The following NUTM1 variants were observed in gnomAD, a reference collection of about 807,000 sequenced individuals.
The protein encoded by NUTM1 is NUT family member 1.
NUTM1 carries 39 observed loss-of-function variants against 88.7 expected under a neutral mutation model. The ratio of observed to expected loss-of-function variants is 0.44; its 90% CI spans 0.34 to 0.57. The LOEUF is 0.57. Among genes scored for constraint, NUTM1 ranks in the 20% least tolerant of loss-of-function variants. The pLI, the probability that NUTM1 is intolerant of heterozygous loss-of-function variation, is 0.01. For synonymous variants in NUTM1, 494 were observed against 538.0 expected (o/e 0.92, Z 1.13); for missense variants, 1,350 against 1,414.5 (o/e 0.95, Z 0.73).
intron 1 of NUTM1, 67 bp from the exon 2 acceptor site, chr15:34,345,875 T>G (rs1431699328): frequency 2.6e-5 from 42 of 1,586,384 alleles, no homozygotes; most frequent in Non-Finnish European, 3.5e-5. Context: ...GAGTTCCGTA[T>G]TCTAGTTCTG....
intron 4 of NUTM1, among the ~76,000 whole-genome samples, chr15:34,352,570 G>A (rs1400187642): frequency 7.3e-5 from 11 of 151,722 alleles, no homozygotes; most frequent in Middle Eastern, 3.4e-3. Context: ...AGGGTGAGGC[G>A]GGCGGATCAT....
intron 3 of NUTM1, among the ~76,000 whole-genome samples, chr15:34,350,361 T>C (rs1453626289): frequency 6.6e-6 from 1 of 152,214 alleles, no homozygotes; most frequent in Non-Finnish European, 1.5e-5. Context: ...TTATAGCAAA[T>C]CCCATTCATT....
intron 2 of NUTM1, among the ~76,000 whole-genome samples, 185 bp from the exon 3 acceptor site, chr15:34,347,784 C>T (rs1220928922): frequency 2.0e-5 from 3 of 151,764 alleles, no homozygotes; most frequent in South Asian, 4.1e-4. Flanking sequence ...ACCTAGGAGG[C>T]GGAGATTGCA....
chr15:34,350,589 C>A (rs1040275225), intron 3 of NUTM1, 115 bp from the exon 4 acceptor site: 14 of 1,314,670 alleles, frequency 1.1e-5, no homozygotes, highest in Non-Finnish European at 1.2e-5. Flanking sequence ...CACGACAGGC[C>A]CTAAGGGGCA....
At chr15:34,345,805 A>C in intron 1 of NUTM1, 137 bp from the exon 2 acceptor site, 6 of 1,201,868 alleles carry the variant, frequency 5.0e-6, no homozygotes, top group Non-Finnish European at 6.8e-6. Flanking sequence ...CCTTCATGGA[A>C]TATCTGTCCC....
At chr15:34,349,127 G>C (rs999280417) in intron 3 of NUTM1, among the ~76,000 whole-genome samples, 10 of 152,126 alleles carry the variant, frequency 6.6e-5, no homozygotes, top group Non-Finnish European at 1.5e-4. Context: ...AACAGTGTGG[G>C]GCCAGGCAAA....
In NUTM1 at chr15:34,356,097, G is replaced by T; in HGVS notation, c.2089G>T (p.Val697Leu). 1 of 1,613,684 alleles carries T rather than the reference G, an allele frequency of 6.2e-7. No homozygotes were observed. The highest frequency in any genetic ancestry group is 8.5e-7 in the Non-Finnish European group (1 of 1,179,644). The change falls in exon 8 of 8, where the codon GTG (valine) becomes TTG (leucine). Residue 697 changes from valine (V) to leucine (L), a missense_variant. Physicochemically the swap from Val to Leu is conservative, Grantham distance 32 (BLOSUM62 1). Around this residue, in one of 5 missense-constraint regions of NUTM1, gnomAD observed 730 missense variants for 728.8 expected, o/e 1.00. Coordinates refer to ENST00000537011, the MANE Select transcript of NUTM1 (RefSeq NM_001284292.2). ...AGGACAACAAACAGGGGGTCGTGGAGTGCTTCCTCAAGGGAAGGAGCCTTT... is the reference window on the plus strand; with the variant it reads ...AGGACAACAAACAGGGGGTCGTGGATTGCTTCCTCAAGGGAAGGAGCCTTT... ...QKGQQTGGRG[V>L]LPQGKEPLAV... is the part of the protein sequence containing the mutation.
At chr15:34,352,174 AAAAG>A (rs992521691) in intron 4 of NUTM1, among the ~76,000 whole-genome samples, 3 of 152,218 alleles carry the variant, frequency 2.0e-5, no homozygotes, top group East Asian at 1.9e-4. Context: ...CTGTCTCAAA[AAAAG>A]AAAGAAAGAA....
chr15:34,356,542 G>A lies in NUTM1; in HGVS notation c.2534G>A (p.Arg845Lys), dbSNP rs757589614. The A allele has an allele frequency of 2.5e-6, 4 of 1,613,952 alleles. No individual in the cohort carries two copies. The highest frequency in any genetic ancestry group is 3.4e-6 in the Non-Finnish European group (4 of 1,179,940). The stretch of plus-strand genomic sequence containing the variant: ...TTGAGGGCCAACAGCCCACCCTTGA[G>A]GTCCAAAGAAAATCAAGAACAGAGC... ...GPLRANSPPL[R>K]SKENQEQSCE... Residue 845 changes from arginine to lysine, a missense_variant, in exon 8 of 8, where the codon AGG becomes AAG. This residue lies in a region of NUTM1 where 730 missense variants were observed against 728.8 expected (regional missense o/e 1.00). Coordinates refer to ENST00000537011, the MANE Select transcript of NUTM1 (RefSeq NM_001284292.2).
chr15:34,348,580 G>C lies in NUTM1; in HGVS notation c.712G>C (p.Val238Leu). 1.2e-6 allele frequency: 2 copies of C among 1,613,444 alleles called. No homozygotes were observed. Among genetic ancestry groups the C allele is most frequent in the South Asian group, 2.2e-5 (2 of 91,082 alleles). ...LGDRSKISKD[V>L]YENFRQWQRY... ...TGACCGCTCCAAAATTTCCAAGGAC[G>C]TTTATGAGAACTTCCGTCAGTGGCA... is the stretch of plus-strand genomic sequence containing the variant. Residue 238 changes from valine to leucine, a missense_variant, in exon 3 of 8, where the codon GTT becomes CTT. Around this residue, in one of 5 missense-constraint regions of NUTM1, gnomAD observed 399 missense variants for 397.9 expected, o/e 1.00. Coordinates refer to ENST00000537011, the MANE Select transcript of NUTM1 (RefSeq NM_001284292.2).
rs1890848438 is a variant in NUTM1, at chr15:34,357,731, A to G, written c.*240A>G. 1.5e-6 allele frequency: 1 copy of G among 682,096 alleles called. No homozygotes were observed. Among genetic ancestry groups the G allele is most frequent in the Non-Finnish European group, 2.5e-6 (1 of 397,902 alleles). 42.3% of individuals were successfully genotyped at this position (682,096 alleles called of 1,614,324 possible). A position where few individuals can be genotyped will look rare whatever the true frequency, so the allele number is the denominator to read the frequency against. On this transcript the variant is annotated 3_prime_UTR_variant, in exon 8 of 8. Coordinates refer to ENST00000537011, the MANE Select transcript of NUTM1 (RefSeq NM_001284292.2). ...AAATGAATAAAGTGTTTTGTTGGAA[A>G]ATGCTCTCAGAGTGCCCTTTTTCTG... is the stretch of plus-strand genomic sequence containing the variant.
In NUTM1 at chr15:34,355,341, G is replaced by A. The variant is rs1396653084; in HGVS notation, c.1480-147G>A. 11 of 780,114 alleles carry A rather than the reference G, an allele frequency of 1.4e-5. No homozygotes were observed. The highest frequency in any genetic ancestry group is 2.3e-5 in the Non-Finnish European group (11 of 480,274). The allele number at this position is 780,114 out of a possible 1,614,324, so 48.3% of individuals were successfully genotyped here. ...ATGGGAATAAGGCACAAGAAGGTGGGAAAGAGCTGCAGTATCTGTCTTTGC... is the reference window on the plus strand; with the variant it reads ...ATGGGAATAAGGCACAAGAAGGTGGAAAAGAGCTGCAGTATCTGTCTTTGC... On this transcript the variant is annotated intron_variant, in intron 7 of 7. Coordinates refer to ENST00000537011, the MANE Select transcript of NUTM1 (RefSeq NM_001284292.2). The surrounding 1 kb of genome is among the most constrained non-coding windows in gnomAD (Gnocchi z 4.3).
chr15:34,357,036 G>A lies in NUTM1; in HGVS notation c.3028G>A (p.Ala1010Thr), dbSNP rs758076370. The A allele has an allele frequency of 6.2e-7, 1 of 1,614,010 alleles. No individual in the cohort carries two copies. The highest frequency in any genetic ancestry group is 1.1e-5 in the South Asian group (1 of 91,064). The change falls in exon 8 of 8, where the codon GCC becomes ACC. Residue 1010 changes from alanine to threonine, a missense_variant. By Grantham distance (58) the Ala-to-Thr change is moderately conservative. This residue lies in a region of NUTM1 where 730 missense variants were observed against 728.8 expected (regional missense o/e 1.00). Transcript: ENST00000537011. ...TTTGCCTAGAAGGGGAACCAGGAATGCCATAGTTCCGAGAGAAACTTCTGT... is the reference window on the plus strand; with the variant it reads ...TTTGCCTAGAAGGGGAACCAGGAATACCATAGTTCCGAGAGAAACTTCTGT... The part of the protein sequence containing the change: ...STLPRRGTRN[A>T]IVPRETSVSK...
chr15:34,356,201 G>A lies in NUTM1; in HGVS notation c.2193G>A (p.Gln731=). Residue 731 remains glutamine, a synonymous_variant, in exon 8 of 8, where the codon CAG becomes CAA. Transcript: ENST00000537011. ...CCCCCATGGCTCAGAGTTATGATCA[G>A]AATCCTTCCCCTAGAGCAGCTGGGG... is the stretch of plus-strand genomic sequence containing the variant. ...RGTPMAQSYD[Q]NPSPRAAGER... 1 of 1,608,328 alleles carries A rather than the reference G, an allele frequency of 6.2e-7. No individual in the cohort carries two copies. The highest frequency in any genetic ancestry group is 1.1e-5 in the South Asian group (1 of 90,796).
intron 4 of NUTM1, 39 bp from the exon 5 acceptor site, chr15:34,353,694 TCTC>T (rs1183060184): frequency 6.2e-7 from 1 of 1,612,202 alleles, no homozygotes. Flanking sequence ...ATGGGTCTGG[TCTC>T]CTTCTCAGCA....
chr15:34,356,884 AAGG>A lies in NUTM1; in HGVS notation c.2879_2881del (p.Gly960del), dbSNP rs774986153. 2.5e-6 allele frequency: 4 copies of A among 1,613,176 alleles called. No individual in the cohort carries two copies. The East Asian group carries it at 8.9e-5, about 36-fold the overall frequency. On this transcript the variant is annotated inframe_deletion, in exon 8 of 8. Transcript: ENST00000537011. ...CTGAATGTTCATTCTTATGACCCCCAAGGAGAAGGCAGGGTGGATCCTGATCTG... is the reference window on the plus strand; with the variant it reads ...CTGAATGTTCATTCTTATGACCCCCAAGAAGGCAGGGTGGATCCTGATCTG...
intron 3 of NUTM1, among the ~76,000 whole-genome samples, chr15:34,349,440 G>C (rs1200451643): frequency 1.3e-5 from 2 of 152,146 alleles, no homozygotes; most frequent in Non-Finnish European, 2.9e-5. Flanking sequence ...ATCCTAAAAA[G>C]GCCATCTAGA....
In NUTM1 at chr15:34,354,578, T is replaced by C. The variant is rs931034086; in HGVS notation, c.1208T>C (p.Met403Thr). Residue 403 changes from methionine (M) to threonine (T), a missense_variant, in exon 6 of 8, where the codon ATG becomes ACG. Physicochemically the swap from Met to Thr is moderately conservative, Grantham distance 81. This residue lies in a region of NUTM1 where 126 missense variants were observed against 189.8 expected (regional missense o/e 0.66). Transcript: ENST00000537011. ...GCTGTGAAGGAGTATGTTGACATCA[T>C]GGAATGGCTGGTGGGGACTCACTTG... ...PEAVKEYVDIMEWLVGTHLAT... is the reference protein window; with the variant it reads ...PEAVKEYVDITEWLVGTHLAT... 3.4e-5 allele frequency: 55 copies of C among 1,613,932 alleles called. No individual in the cohort carries two copies. Among genetic ancestry groups the C allele is most frequent in the Non-Finnish European group, 4.6e-5 (54 of 1,180,038 alleles).
Position 34,356,191 on chromosome 15 carries a change from G to A in NUTM1, c.2183G>A (p.Ser728Asn). The A allele has an allele frequency of 6.2e-7, 1 of 1,609,522 alleles. No homozygotes were observed. The change falls in exon 8 of 8, where the codon AGT becomes AAT. Residue 728 changes from serine (S) to asparagine (N), a missense_variant. Physicochemically the swap from Ser to Asn is conservative, Grantham distance 46. Coordinates refer to ENST00000537011, the MANE Select transcript of NUTM1 (RefSeq NM_001284292.2). ...GACAGAGGTACCCCCATGGCTCAGA[G>A]TTATGATCAGAATCCTTCCCCTAGA... is the stretch of plus-strand genomic sequence containing the variant. ...GDDRGTPMAQ[S>N]YDQNPSPRAA...
Sources: allele counts gnomAD v4.1 joint callset (sites outside exome capture counted in the v4.1 genomes callset), GRCh38; gene constraint gnomAD v4.1.1; regional missense constraint gnomAD v4.1.1; non-coding constraint Gnocchi (gnomAD v3.1); transcripts MANE v1.5; gene names NCBI Gene and HGNC (gene_info 2026-07-23, HGNC 2026-07-21).